Variants in RMP24 observed in about 807,000 individuals in gnomAD.
RMP24 encodes the protein ribonuclease MRP subunit p24.
chr18:35,974,501 C>G, the RMP24 span, among the ~76,000 whole-genome samples: 1 of 152,138 alleles, frequency 6.6e-6, no homozygotes, highest in Non-Finnish European at 1.5e-5. Flanking sequence ...ATTCATTGTG[C>G]TAATTATTTA....
chr18:35,977,684 A>G, the RMP24 span: 4 of 1,390,828 alleles, frequency 2.9e-6, no homozygotes, highest in East Asian at 6.9e-5. Flanking sequence ...CTCCCTAAAT[A>G]TGCCATGCAT....
the RMP24 span, chr18:35,973,207 A>C: frequency 1.9e-6 from 1 of 529,298 alleles, no homozygotes; most frequent in Non-Finnish European, 3.4e-6. Flanking sequence ...GGTTCCTCCT[A>C]ATCTCCCCAA....
chr18:35,973,131 C>G, the RMP24 span: 6 of 620,342 alleles, frequency 9.7e-6, no homozygotes, highest in Admixed American at 1.4e-4. Context: ...AAATAGTTTC[C>G]TCCCTTGGCT....
chr18:35,972,929 T>C, the RMP24 span: 1 of 1,614,158 alleles, frequency 6.2e-7, no homozygotes, highest in Non-Finnish European at 8.5e-7. Context: ...GCCTGTCTCT[T>C]GTGCTTTGGG....
the RMP24 span, among the ~76,000 whole-genome samples, chr18:35,977,950 C>A: frequency 0.014 from 2,088 of 152,308 alleles, 58 homozygotes; most frequent in African/African-American, 0.047. Context: ...AATGAACACA[C>A]CTTTCTGGAC....
the RMP24 span, among the ~76,000 whole-genome samples, chr18:35,974,691 C>G: frequency 1.3e-5 from 2 of 152,134 alleles, no homozygotes; most frequent in Non-Finnish European, 2.9e-5. Context: ...CTATCTGTTG[C>G]TGAAAGGAGT....
the RMP24 span, chr18:35,972,981 AT>A: frequency 2.5e-6 from 4 of 1,578,842 alleles, no homozygotes; most frequent in African/African-American, 1.3e-5. Context: ...CAACGCTCAA[AT>A]AAGGCCGATG....
chr18:35,973,433 T>A, the RMP24 span: 1 of 157,010 alleles, frequency 6.4e-6, no homozygotes, highest in Non-Finnish European at 1.4e-5. Flanking sequence ...TGTCTAGTAA[T>A]TCAAACTTAG....
At chr18:35,974,416 G>A in the RMP24 span, among the ~76,000 whole-genome samples, 21 of 152,198 alleles carry the variant, frequency 1.4e-4, no homozygotes, top group African/African-American at 1.9e-4. Flanking sequence ...GCAGAGCTAA[G>A]TTTAAGTGTG....
At chr18:35,977,771 G>A in the RMP24 span, among the ~76,000 whole-genome samples, 1 of 152,058 alleles carries the variant, frequency 6.6e-6, no homozygotes, top group Non-Finnish European at 1.5e-5. Flanking sequence ...TCATTTCAAT[G>A]CATTTGACTT....
chr18:35,975,075 A>G, the RMP24 span: 1 of 1,613,030 alleles, frequency 6.2e-7, no homozygotes, highest in Non-Finnish European at 8.5e-7. Context: ...GAAAAAGTTC[A>G]AAGACTCCAA....
At chr18:35,976,024 A>G in the RMP24 span, among the ~76,000 whole-genome samples, 1 of 152,208 alleles carries the variant, frequency 6.6e-6, no homozygotes, top group Non-Finnish European at 1.5e-5. Flanking sequence ...TTAAATGGGA[A>G]GACAGCAAAT....
chr18:35,974,869 T>C, the RMP24 span: 1 of 1,585,832 alleles, frequency 6.3e-7, no homozygotes, highest in Non-Finnish European at 8.6e-7. Flanking sequence ...ATTTGCTGAA[T>C]TGTGAGTTTC....
the RMP24 span, among the ~76,000 whole-genome samples, chr18:35,976,413 T>C: frequency 6.6e-6 from 1 of 152,190 alleles, no homozygotes; most frequent in Non-Finnish European, 1.5e-5. Flanking sequence ...CATCTGCTCA[T>C]GAACATCAAA....
chr18:35,975,030 A>G, the RMP24 span: 2 of 1,614,176 alleles, frequency 1.2e-6, no homozygotes, highest in Non-Finnish European at 1.7e-6. Context: ...AGAAGCGAGA[A>G]ACTATACACT....
the RMP24 span, among the ~76,000 whole-genome samples, chr18:35,978,126 G>A: frequency 6.6e-6 from 1 of 152,150 alleles, no homozygotes; most frequent in African/African-American, 2.4e-5. Context: ...CAGGACTACT[G>A]CAGTGATTTT....
At chr18:35,976,644 A>C in the RMP24 span, among the ~76,000 whole-genome samples, 1 of 152,208 alleles carries the variant, frequency 6.6e-6, no homozygotes, top group African/African-American at 2.4e-5. Context: ...CTTTAGACCT[A>C]TGTTTACAAA....
chr18:35,972,689 A>G, the RMP24 span: 3 of 1,572,522 alleles, frequency 1.9e-6, no homozygotes, highest in African/African-American at 1.4e-5. Context: ...CTATTTTCTC[A>G]CCTGGTTCCC....
the RMP24 span, chr18:35,973,076 C>T: frequency 6.0e-6 from 5 of 836,236 alleles, no homozygotes; most frequent in African/African-American, 5.1e-5. Context: ...TTTAATGTGC[C>T]TTGTCTTGCT....
Sources: gnomAD v4.1 joint callset for allele counts (sites outside exome capture counted in the v4.1 genomes callset) on GRCh38, gnomAD v4.1.1 for gene constraint, MANE v1.5 for transcripts, NCBI Gene and HGNC (gene_info 2026-07-23, HGNC 2026-07-21) for gene names.